The following CSMD3 variants were observed in gnomAD, a reference collection of about 807,000 sequenced individuals.
CSMD3 encodes CUB and sushi domain-containing protein 3.
In CSMD3, 177 loss-of-function variants were observed where a neutral mutation model predicts 435.2. The ratio of observed to expected loss-of-function variants is 0.41; its 90% confidence interval spans 0.36 to 0.46. The LOEUF (loss-of-function observed/expected upper bound fraction) is 0.46. Ranked by LOEUF, CSMD3 falls within the 20% of genes least tolerant of loss-of-function variation. The pLI is 0.34. For synonymous variants in CSMD3, 1,656 were observed against 1,520.5 expected (o/e 1.09, Z -2.07); for missense variants, 4,265 against 4,504.6 (o/e 0.95, Z 1.52).
At chr8:112,976,559 T>G (rs1278642455) in intron 6 of CSMD3, among the ~76,000 whole-genome samples, 1 of 152,082 alleles carries the variant, frequency 6.6e-6, no homozygotes, top group Non-Finnish European at 1.5e-5. Flanking sequence ...CTGCCATATC[T>G]CTTCACAGTT....
In CSMD3 at chr8:112,925,319, G is replaced by A. The variant is rs193297863; in HGVS notation, c.1509-3568C>T. ...TTAAGAATTAAATATTTTCCTCTGGGAGGCCAAGGAGGGAGGATTACGAGG... is the reference window on the plus strand; with the variant it reads ...TTAAGAATTAAATATTTTCCTCTGGAAGGCCAAGGAGGGAGGATTACGAGG... On this transcript the variant is annotated intron_variant, in intron 9 of 70. Transcript: ENST00000297405. Among the ~76,000 whole-genome samples the A allele has an allele frequency of 1.3e-4, 19 of 151,996 alleles. No individual in the cohort carries two copies. The East Asian group carries it at 3.7e-3, about 30-fold the overall frequency.
At chr8:112,452,087 G>A (rs940096696) in intron 32 of CSMD3, among the ~76,000 whole-genome samples, 4 of 152,110 alleles carry the variant, frequency 2.6e-5, no homozygotes, top group Admixed American at 1.3e-4. Context: ...AAGCCTTCAA[G>A]ATTCCCAGGT....
chr8:113,394,374 A>G (rs2094474286), intron 1 of CSMD3, among the ~76,000 whole-genome samples: 1 of 152,130 alleles, frequency 6.6e-6, no homozygotes, highest in Non-Finnish European at 1.5e-5. Context: ...TTTACTGAAT[A>G]CATATTAACT....
At chr8:112,795,691 G>A (rs376875947) in intron 13 of CSMD3, among the ~76,000 whole-genome samples, 9 of 152,190 alleles carry the variant, frequency 5.9e-5, no homozygotes, top group African/African-American at 2.2e-4. Flanking sequence ...AATAACATTG[G>A]TGTATACCCT....
At chr8:112,807,065 T>TACC (rs2079105843) in intron 12 of CSMD3, among the ~76,000 whole-genome samples, 1 of 152,186 alleles carries the variant, frequency 6.6e-6, no homozygotes, top group African/African-American at 2.4e-5. Context: ...CCATGTACTC[T>TACC]ACCACTTATG....
chr8:112,497,269 G>T (rs1821448336), intron 30 of CSMD3, among the ~76,000 whole-genome samples: 1 of 152,036 alleles, frequency 6.6e-6, no homozygotes, highest in African/African-American at 2.4e-5. Flanking sequence ...AAGTTAGATA[G>T]AATGAATAGG....
At chr8:112,825,845 C>T (rs1046390685) in intron 12 of CSMD3, among the ~76,000 whole-genome samples, 10 of 152,196 alleles carry the variant, frequency 6.6e-5, no homozygotes, top group African/African-American at 2.4e-4. Context: ...TTTAATGAAG[C>T]ACTTTGACTG....
rs7835916 is a variant in CSMD3, at chr8:112,468,234, A to T, written c.5395+4357T>A. On this transcript the variant is annotated intron_variant, in intron 32 of 70. Transcript: ENST00000297405. ...TTCATCTCCTCCAATTGCCTAAAGT[A>T]TTTTTTTTTTTTTTTTTTTTTTACC... Among the ~76,000 whole-genome samples, 99 of 93,598 alleles carry T rather than the reference A, an allele frequency of 1.1e-3. 1 individual carries two copies. The highest frequency in any genetic ancestry group is 3.1e-3 in the South Asian group (8 of 2,578). The allele number at this position is 93,598 out of a possible 152,430, so 61.4% of individuals were successfully genotyped here. A position where few individuals can be genotyped will look rare whatever the true frequency, so the allele number is the denominator to read the frequency against.
intron 3 of CSMD3, among the ~76,000 whole-genome samples, chr8:113,225,718 G>GA (rs972098104): frequency 1.3e-5 from 2 of 151,440 alleles, no homozygotes; most frequent in African/African-American, 4.8e-5. Context: ...AATTCAGGGG[G>GA]AAAAAAGCTA....
At chr8:113,402,136 T>C (rs1298741184) in intron 1 of CSMD3, among the ~76,000 whole-genome samples, 2 of 151,470 alleles carry the variant, frequency 1.3e-5, no homozygotes, top group Non-Finnish European at 3.0e-5. Flanking sequence ...TTCATCCCTT[T>C]ATAACATCTT....
chr8:112,275,186 CTATATG>C, intron 59 of CSMD3, among the ~76,000 whole-genome samples: 1 of 152,008 alleles, frequency 6.6e-6, no homozygotes, highest in East Asian at 1.9e-4. Flanking sequence ...AAAAGCAAAA[CTATATG>C]TATAAGTACA....
chr8:112,457,133 T>C (rs1816917832), intron 32 of CSMD3, among the ~76,000 whole-genome samples: 1 of 152,080 alleles, frequency 6.6e-6, no homozygotes, highest in Admixed American at 6.6e-5. Context: ...TGCCCCTACC[T>C]CATTTTAGAA....
intron 68 of CSMD3, 94 bp downstream of exon 68, chr8:112,234,271 C>T: frequency 1.3e-6 from 1 of 774,072 alleles, no homozygotes; most frequent in Non-Finnish European, 2.3e-6. Flanking sequence ...TGTATGTATT[C>T]ATAATTAGCT....
chr8:112,662,488 G>T (rs894465610), intron 17 of CSMD3, among the ~76,000 whole-genome samples: 2 of 151,930 alleles, frequency 1.3e-5, no homozygotes, highest in African/African-American at 2.4e-5. Flanking sequence ...AGCTGAAACT[G>T]GATCCCTTCC....
At chr8:112,555,913 T>C (rs1828072732) in intron 25 of CSMD3, among the ~76,000 whole-genome samples, 1 of 151,960 alleles carries the variant, frequency 6.6e-6, no homozygotes, top group Non-Finnish European at 1.5e-5. Context: ...AATAAAAGAT[T>C]TGAGTCAATT....
intron 47 of CSMD3, among the ~76,000 whole-genome samples, chr8:112,315,427 A>T (rs1446279697): frequency 6.6e-6 from 1 of 151,910 alleles, no homozygotes; most frequent in African/African-American, 2.4e-5. Context: ...AATGAAGAAT[A>T]TGACTAAGTT....
chr8:113,064,548 A>G (rs548543446), intron 5 of CSMD3, among the ~76,000 whole-genome samples: 1 of 152,326 alleles, frequency 6.6e-6, no homozygotes, highest in Admixed American at 6.5e-5. Context: ...ACTCTTAACA[A>G]AAACGAAAAT....
At chr8:113,286,679 A>G (rs574195932) in intron 2 of CSMD3, among the ~76,000 whole-genome samples, 3 of 151,506 alleles carry the variant, frequency 2.0e-5, no homozygotes, top group Non-Finnish European at 2.9e-5. Context: ...GAGAAGAACG[A>G]CCACACATAT....
intron 4 of CSMD3, among the ~76,000 whole-genome samples, chr8:113,115,661 G>A (rs1034895202): frequency 1.3e-5 from 2 of 152,084 alleles, no homozygotes; most frequent in South Asian, 2.1e-4. Flanking sequence ...ACAGTGGTAC[G>A]TGTCACTAAT....
Sources: allele counts gnomAD v4.1 joint callset (sites outside exome capture counted in the v4.1 genomes callset), GRCh38; gene constraint gnomAD v4.1.1; transcripts MANE v1.5; gene names NCBI Gene and HGNC (gene_info 2026-07-23, HGNC 2026-07-21).